The following PHF14 variants were observed in gnomAD, a reference collection of about 807,000 sequenced individuals.
The protein encoded by PHF14 is PHD finger protein 14.
In PHF14, 55 loss-of-function variants were observed where a neutral mutation model predicts 117.9. The ratio of observed to expected loss-of-function variants is 0.47; its 90% confidence interval spans 0.38 to 0.58. The LOEUF is 0.58. PHF14 is among the 20% of genes least tolerant of loss of function. The pLI is 0.00. For missense variants in PHF14, 978 were observed against 1,122.2 expected, an observed-to-expected ratio of 0.87 and a Z score of 1.84; for synonymous variants, 409 against 368.6, an observed-to-expected ratio of 1.11 and a Z score of -1.26.
chr7:11,099,226 A>G (rs1420546320), intron 16 of PHF14, among the ~76,000 whole-genome samples: 1 of 152,168 alleles, frequency 6.6e-6, no homozygotes, highest in East Asian at 1.9e-4. Context: ...TAACCTGTCT[A>G]ACACATTTAG....
At chr7:11,125,881 C>A (rs1485127432) in intron 17 of PHF14, among the ~76,000 whole-genome samples, 1 of 151,926 alleles carries the variant, frequency 6.6e-6, no homozygotes, top group African/African-American at 2.4e-5. Flanking sequence ...GTTAAGGGTA[C>A]CTTCAATAAT....
chr7:11,036,887 T>G (rs41272942), intron 9 of PHF14, 98 bp from the exon 10 acceptor site: 22,487 of 969,482 alleles, frequency 0.023, 325 homozygotes, highest in Middle Eastern at 0.048. Context: ...AGTTTTAAAC[T>G]ATGTAGGTTT....
intron 16 of PHF14, chr7:11,109,174 A>G (rs1423251142): frequency 6.6e-6 from 1 of 151,876 alleles, no homozygotes; most frequent in Non-Finnish European, 1.5e-5. Flanking sequence ...TTCTGAATCC[A>G]TAACAGATTG....
chr7:11,096,154 T>C (rs3801449), intron 16 of PHF14, among the ~76,000 whole-genome samples: 54,946 of 151,734 alleles, frequency 0.36, 10,513 homozygotes, highest in East Asian at 0.73. Flanking sequence ...TTTATTCTTT[T>C]TCGGTGTCTG....
At chr7:11,108,218 T>G (rs1787333133) in intron 16 of PHF14, 1 of 151,740 alleles carries the variant, frequency 6.6e-6, no homozygotes, top group African/African-American at 2.4e-5. Context: ...TTTTTTCAAT[T>G]CAATATTCTA....
In PHF14 at chr7:10,983,169, C is replaced by T; in HGVS notation, c.900+10C>T. ...AAGCAAGAGTAATGAGGTAGATCAA[C>T]CCAATTTTTATATCTGTCTGTCTGG... On this transcript the variant is annotated intron_variant, in intron 3 of 17. Coordinates refer to ENST00000634607, the MANE Select transcript of PHF14 (RefSeq NM_001007157.2). 1 of 1,576,656 alleles carries T rather than the reference C, an allele frequency of 6.3e-7. No individual in the cohort carries two copies. The highest frequency in any genetic ancestry group is 1.4e-5 in the African/African-American group (1 of 74,046).
intron 17 of PHF14, among the ~76,000 whole-genome samples, chr7:11,138,743 G>T (rs1330763457): frequency 6.6e-6 from 1 of 152,096 alleles, no homozygotes. Flanking sequence ...TTAACATGAG[G>T]AGTGGGAATA....
At chr7:11,085,307 A>T (rs1023781074) in intron 16 of PHF14, among the ~76,000 whole-genome samples, 2 of 152,208 alleles carry the variant, frequency 1.3e-5, no homozygotes, top group Non-Finnish European at 2.9e-5. Context: ...CCAGAATGTC[A>T]TATTCTTCTG....
At chr7:11,023,960 A>G (rs775063584) in intron 6 of PHF14, among the ~76,000 whole-genome samples, 6 of 152,236 alleles carry the variant, frequency 3.9e-5, no homozygotes, top group Admixed American at 2.6e-4. Context: ...TGAGGAAGGC[A>G]TGTCGAAAGC....
chr7:11,083,045 C>G (rs1350217656), intron 16 of PHF14, among the ~76,000 whole-genome samples: 1 of 152,198 alleles, frequency 6.6e-6, no homozygotes, highest in African/African-American at 2.4e-5. Flanking sequence ...CCTCTCCCCT[C>G]TCTCCCTTAT....
At chr7:10,999,052 G>A (rs924459785) in intron 4 of PHF14, among the ~76,000 whole-genome samples, 18 of 152,106 alleles carry the variant, frequency 1.2e-4, no homozygotes, top group African/African-American at 4.3e-4. Flanking sequence ...GTTTTTTGCT[G>A]TTGTTGTTGT....
chr7:11,010,209 G>A lies in PHF14; in HGVS notation c.1046-3538G>A, dbSNP rs545879532. On this transcript the variant is annotated intron_variant, in intron 4 of 17. Transcript: ENST00000634607. ...ATGGAGAAAATAGATTGATGATACC[G>A]TTTCATTTTATGATTTTTCTTTGAA... Among the ~76,000 whole-genome samples the A allele has an allele frequency of 2.9e-3, 444 of 151,904 alleles. 1 individual carries two copies. The highest frequency in any genetic ancestry group is 5.5e-3 in the Non-Finnish European group (371 of 67,950).
At chr7:11,150,305 C>G (rs1221735607) in intron 17 of PHF14, among the ~76,000 whole-genome samples, 2 of 152,062 alleles carry the variant, frequency 1.3e-5, no homozygotes, top group Non-Finnish European at 2.9e-5. Context: ...CATTTTATAA[C>G]AAAATAATTT....
Position 11,035,800 on chromosome 7 carries a change from G to A in PHF14, c.1602+14G>A, listed in dbSNP as rs758556419. ...CCAGAAGCACAGGTATGGGATTCAT[G>A]TCAAAACCCGTATGTTTTTGTTTTA... On this transcript the variant is annotated intron_variant, in intron 8 of 17. Transcript: ENST00000634607. The A allele has an allele frequency of 1.9e-6, 3 of 1,561,546 alleles. No homozygotes were observed. The highest frequency in any genetic ancestry group is 3.7e-5 in the Admixed American group (2 of 53,780).
intron 17 of PHF14, among the ~76,000 whole-genome samples, chr7:11,140,031 C>A (rs1390272662): frequency 4.6e-5 from 7 of 151,972 alleles, no homozygotes; most frequent in African/African-American, 1.7e-4. Context: ...TACATGTTAC[C>A]CTGTAACACC....
At chr7:11,021,166 GT>G (rs1263966622) in intron 5 of PHF14, among the ~76,000 whole-genome samples, 2 of 152,110 alleles carry the variant, frequency 1.3e-5, no homozygotes, top group African/African-American at 4.8e-5. Context: ...TCTGTTAATA[GT>G]TTGTGCTAGG....
chr7:11,139,020 T>C (rs986705775), intron 17 of PHF14, among the ~76,000 whole-genome samples: 1 of 152,296 alleles, frequency 6.6e-6, no homozygotes, highest in African/African-American at 2.4e-5. Context: ...TGTGGAGATA[T>C]TATAAAAATC....
At chr7:10,994,008 C>CAAAA (rs1166211936) in intron 4 of PHF14, among the ~76,000 whole-genome samples, 2 of 81,990 alleles carry the variant, frequency 2.4e-5, no homozygotes, top group East Asian at 9.7e-4. Context: ...GACTCTGTCT[C>CAAAA]AAAAAAAAAA....
At position 11,061,858 on chromosome 7, in the gene PHF14, C is replaced by T; in HGVS notation, c.2532+17C>T. On this transcript the variant is annotated intron_variant, in intron 15 of 17. Transcript: ENST00000634607. The stretch of plus-strand genomic sequence containing the variant: ...AAACATGAGGTTGGAATAAGTTAAG[C>T]ACTTTTACACAGTCTTAACTTTGAG... 6.6e-7 allele frequency: 1 copy of T among 1,522,220 alleles called. No individual in the cohort carries two copies. Among genetic ancestry groups the T allele is most frequent in the South Asian group, 1.3e-5 (1 of 77,494 alleles). 94.3% of individuals were successfully genotyped at this position (1,522,220 alleles called of 1,614,324 possible).
Sources: gnomAD v4.1 joint callset for allele counts (sites outside exome capture counted in the v4.1 genomes callset) on GRCh38, gnomAD v4.1.1 for gene constraint, MANE v1.5 for transcripts, NCBI Gene and HGNC (gene_info 2026-07-23, HGNC 2026-07-21) for gene names.